SORL1: variants seen among roughly 807,000 people sequenced by gnomAD.
SORL1 encodes sortilin related receptor 1, also known as sortilin-related receptor.
Under a neutral mutation model 273.7 loss-of-function variants are expected in SORL1, and 127 were observed. The ratio of observed to expected loss-of-function variants is 0.46; its 90% CI spans 0.40 to 0.54. SORL1 has a LOEUF of 0.54. Among genes scored for constraint, SORL1 ranks in the 20% least tolerant of loss-of-function variants. The pLI is 0.00. For synonymous variants in SORL1, 1,031 were observed against 1,067.4 expected (o/e 0.97, Z 0.66); for missense variants, 2,494 against 2,846.1 (o/e 0.88, Z 2.81).
chr11:121,587,623 T>G (rs973941365), intron 27 of SORL1, among the ~76,000 whole-genome samples: 2 of 152,202 alleles, frequency 1.3e-5, no homozygotes, highest in East Asian at 3.8e-4. Context: ...TATTAGTTCC[T>G]TACAGAAAAA....
intron 44 of SORL1, among the ~76,000 whole-genome samples, chr11:121,621,557 C>A (rs1863723725): frequency 6.6e-6 from 1 of 152,020 alleles, no homozygotes; most frequent in Non-Finnish European, 1.5e-5. Flanking sequence ...TGAATAGTTG[C>A]CACTAAGACC....
At chr11:121,502,213 G>A (rs1861721323) in intron 6 of SORL1, among the ~76,000 whole-genome samples, 1 of 133,652 alleles carries the variant, frequency 7.5e-6, no homozygotes, top group East Asian at 2.2e-4. Context: ...TCGGCTCACT[G>A]CAAGCTCCGC....
At chr11:121,467,060 C>T (rs532067411) in intron 1 of SORL1, among the ~76,000 whole-genome samples, 178 of 128,424 alleles carry the variant, frequency 1.4e-3, no homozygotes, top group African/African-American at 4.8e-3. Flanking sequence ...GGTGGAGTCT[C>T]GCTCTGTTGC....
rs768965749 is a variant in SORL1 at position 121,553,956 on chromosome 11, G to A, written c.2286G>A (p.Leu762=). ...CPLAEENEFI[L]YAVRKSIYRY... ...TGGCAGAAGAGAACGAGTTCATTCT[G>A]TATGCTGTGAGGAAATCCATCTACC... The change falls in exon 17 of 48, where the codon CTG becomes CTA. Residue 762 remains leucine (L), a synonymous_variant. Coordinates refer to ENST00000260197, the MANE Select transcript of SORL1 (RefSeq NM_003105.6). 30 of 1,614,010 alleles carry A rather than the reference G, an allele frequency of 1.9e-5. No homozygotes were observed. Among genetic ancestry groups the A allele is most frequent in the Non-Finnish European group, 2.4e-5 (28 of 1,179,908 alleles).
chr11:121,540,195 T>C (rs1192544035), intron 12 of SORL1, among the ~76,000 whole-genome samples: 2 of 152,148 alleles, frequency 1.3e-5, no homozygotes, highest in Non-Finnish European at 2.9e-5. Flanking sequence ...GAGTCCTAAG[T>C]TGGGTATCTA....
rs1792115 is a variant in SORL1, at chr11:121,597,456, G to T, written c.4519+1684G>T. On this transcript the variant is annotated intron_variant, in intron 32 of 47. Coordinates refer to ENST00000260197, the MANE Select transcript of SORL1 (RefSeq NM_003105.6). Reference sequence around the variant, plus strand: ...ATACAAATTCTTTGTGTGTTTGTTTGTTTTTTTTTTTTTTCTTTTGAGATG... The same window carrying T: ...ATACAAATTCTTTGTGTGTTTGTTTTTTTTTTTTTTTTTTCTTTTGAGATG... 3.2e-3 allele frequency among the ~76,000 whole-genome samples: 455 copies of T among 140,278 alleles called. 3 individuals carry two copies. The highest frequency in any genetic ancestry group is 4.9e-3 in the Non-Finnish European group (310 of 63,740). The allele number at this position is 140,278 out of a possible 152,430, so 92.0% of individuals were successfully genotyped here.
At chr11:121,571,060 A>G (rs535228712) in intron 23 of SORL1, among the ~76,000 whole-genome samples, 13 of 152,306 alleles carry the variant, frequency 8.5e-5, no homozygotes, top group African/African-American at 3.1e-4. Flanking sequence ...GCCTGCATAT[A>G]TATTGCCGAT....
chr11:121,600,983 T>C (rs1306839893), intron 32 of SORL1, among the ~76,000 whole-genome samples: 1 of 151,970 alleles, frequency 6.6e-6, no homozygotes, highest in Non-Finnish European at 1.5e-5. Context: ...GCCATGCTAG[T>C]GTGCTGCACC....
intron 3 of SORL1, among the ~76,000 whole-genome samples, chr11:121,480,909 G>C (rs189340701): frequency 3.0e-5 from 4 of 134,704 alleles, no homozygotes; most frequent in Middle Eastern, 4.8e-3. Context: ...ATACCTATAG[G>C]CAGGCTTCAT....
chr11:121,591,141 G>A lies in SORL1; in HGVS notation c.4354G>A (p.Ala1452Thr), dbSNP rs768239566. The A allele has an allele frequency of 6.2e-7, 1 of 1,614,206 alleles. No individual in the cohort carries two copies. The highest frequency in any genetic ancestry group is 8.5e-7 in the Non-Finnish European group (1 of 1,180,034). ...RDCADGSDEE[A>T]CPLLANVTAA... is the part of the protein sequence containing the mutation. ...TTGTGCAGATGGCTCTGACGAGGAAGCCTGCCCCTTGCTTGGTGAGTTCTG... is the reference window on the plus strand; with the variant it reads ...TTGTGCAGATGGCTCTGACGAGGAAACCTGCCCCTTGCTTGGTGAGTTCTG... Residue 1452 changes from alanine to threonine, a missense_variant, in exon 31 of 48, where the codon GCC becomes ACC. Transcript: ENST00000260197.
At chr11:121,463,088 G>A (rs1177037669) in intron 1 of SORL1, among the ~76,000 whole-genome samples, 1 of 152,072 alleles carries the variant, frequency 6.6e-6, no homozygotes, top group Non-Finnish European at 1.5e-5. Flanking sequence ...CTCTTGAGGG[G>A]GTATTTGCTG....
intron 25 of SORL1, 102 bp from the exon 26 acceptor site, chr11:121,583,356 T>C: frequency 7.2e-7 from 1 of 1,380,036 alleles, no homozygotes; most frequent in Non-Finnish European, 9.7e-7. Flanking sequence ...GTTCAGACCT[T>C]ATTCCTACCT....
At chr11:121,609,227 C>T (rs1343239919) in intron 38 of SORL1, 1 of 152,210 alleles carries the variant, frequency 6.6e-6, no homozygotes, top group Non-Finnish European at 1.5e-5. Flanking sequence ...GGAATAGGCT[C>T]TGGGTCATGG....
At chr11:121,482,891 G>A (rs958855143) in intron 3 of SORL1, among the ~76,000 whole-genome samples, 2 of 152,222 alleles carry the variant, frequency 1.3e-5, no homozygotes, top group South Asian at 4.1e-4. Context: ...TTTGCCTTGT[G>A]ATGGAGATGG....
Position 121,625,257 on chromosome 11 carries a change from T to C in SORL1, c.6344T>C (p.Leu2115Pro). The C allele has an allele frequency of 6.2e-7, 1 of 1,613,656 alleles. No individual in the cohort carries two copies. ...ATCTGTGGGGAGCCTGCCATCCTGC[T>C]GTACGATGAGCTGGGGTCTGGTGAG... Reference protein sequence around the residue: ...NQICGEPAILLYDELGSGADA... With the variant: ...NQICGEPAILPYDELGSGADA... The change falls in exon 46 of 48, where the codon CTG (leucine) becomes CCG (proline). Residue 2115 changes from leucine (L) to proline (P), a missense_variant. Around this residue, in one of 3 missense-constraint regions of SORL1, gnomAD observed 1,609 missense variants for 1,816.4 expected, o/e 0.89. Coordinates refer to ENST00000260197, the MANE Select transcript of SORL1 (RefSeq NM_003105.6).
chr11:121,456,054 G>A (rs891886334), intron 1 of SORL1, among the ~76,000 whole-genome samples: 9 of 150,994 alleles, frequency 6.0e-5, no homozygotes, highest in African/African-American at 2.0e-4. Context: ...CCAGGTCCAA[G>A]AAGAGGGATT....
chr11:121,566,820 T>G, intron 21 of SORL1, 120 bp from the exon 22 acceptor site: 554 of 955,756 alleles, frequency 5.8e-4, no homozygotes, highest in Non-Finnish European at 7.7e-4. Flanking sequence ...ACTTGACCCT[T>G]GAGAGCTTCT....
At chr11:121,475,025 C>T (rs556329278) in intron 2 of SORL1, among the ~76,000 whole-genome samples, 70 of 152,238 alleles carry the variant, frequency 4.6e-4, no homozygotes, top group African/African-American at 1.5e-3. Context: ...GGAAAGCTGA[C>T]GTGCGTAGAT....
At chr11:121,549,861 T>A in intron 14 of SORL1, 99 bp from the exon 15 acceptor site, 8 of 1,006,552 alleles carry the variant, frequency 7.9e-6, no homozygotes, top group Non-Finnish European at 1.0e-5. Flanking sequence ...TAACTTATAA[T>A]AAAAGTGAAA....
Sources: gnomAD v4.1 joint callset for allele counts (sites outside exome capture counted in the v4.1 genomes callset) on GRCh38, gnomAD v4.1.1 for gene constraint, gnomAD v4.1.1 regional missense constraint, MANE v1.5 for transcripts, NCBI Gene and HGNC (gene_info 2026-07-23, HGNC 2026-07-21) for gene names.